The following ENPP3 variants were observed in gnomAD, a reference collection of about 807,000 sequenced individuals.
ENPP3 encodes the protein ectonucleotide pyrophosphatase/phosphodiesterase 3, also known as ectonucleotide pyrophosphatase/phosphodiesterase family member 3.
ENPP3 carries 104 observed loss-of-function variants against 117.8 expected under a neutral mutation model. That is an observed-to-expected ratio of 0.88 (90% CI 0.75 to 1.04). The LOEUF is 1.04. ENPP3 is among the 50% of genes least tolerant of loss of function. The probability of loss-of-function intolerance (pLI) is 0.00; values close to 1 mark genes in which losing one functional copy is unlikely to be tolerated. For missense variants in ENPP3, 1,026 were observed against 1,051.9 expected, an observed-to-expected ratio of 0.98 and a Z score of 0.34; for synonymous variants, 380 against 349.9, an observed-to-expected ratio of 1.09 and a Z score of -0.96.
intron 6 of ENPP3, among the ~76,000 whole-genome samples, chr6:131,658,698 A>G (rs1778437242): frequency 6.6e-6 from 1 of 152,164 alleles, no homozygotes; most frequent in Non-Finnish European, 1.5e-5. Context: ...AAATCTATTC[A>G]TGTGTACTGC....
intron 1 of ENPP3, among the ~76,000 whole-genome samples, chr6:131,638,945 C>A (rs1468803437): frequency 6.6e-6 from 1 of 151,662 alleles, no homozygotes; most frequent in Non-Finnish European, 1.5e-5. Context: ...TATGTGTGTG[C>A]CCCAGTGCAC....
intron 15 of ENPP3, chr6:131,700,852 G>A: frequency 8.6e-7 from 1 of 1,166,920 alleles, no homozygotes; most frequent in South Asian, 1.3e-5. Flanking sequence ...GCAAGTTTGA[G>A]AACAGCCAAG....
intron 20 of ENPP3, among the ~76,000 whole-genome samples, chr6:131,726,758 C>T (rs1780162897): frequency 6.6e-6 from 1 of 152,176 alleles, no homozygotes; most frequent in African/African-American, 2.4e-5. Flanking sequence ...TTGAGGTCCA[C>T]TTGTTTAAAG....
At chr6:131,637,732 T>A (rs75205698) in intron 1 of ENPP3, among the ~76,000 whole-genome samples, 1 of 152,312 alleles carries the variant, frequency 6.6e-6, no homozygotes, top group African/African-American at 2.4e-5. Flanking sequence ...ATTTTTTGCA[T>A]GATTATAACT....
intron 24 of ENPP3, among the ~76,000 whole-genome samples, chr6:131,740,965 A>G (rs1780516492): frequency 6.6e-6 from 1 of 152,122 alleles, no homozygotes. Context: ...CACTAAATTA[A>G]TGTTTCTGAA....
chr6:131,647,504 GA>G (rs1203758394), intron 2 of ENPP3, among the ~76,000 whole-genome samples: 37 of 152,002 alleles, frequency 2.4e-4, no homozygotes, highest in African/African-American at 8.4e-4. Flanking sequence ...AGGATGTAAA[GA>G]TTTTTTTAAT....
intron 12 of ENPP3, among the ~76,000 whole-genome samples, chr6:131,683,879 T>C (rs909255893): frequency 3.3e-5 from 5 of 151,360 alleles, no homozygotes; most frequent in African/African-American, 1.2e-4. Context: ...ACCTCTTGAG[T>C]AGCTGGGGTT....
chr6:131,670,341 A>G (rs1718042005), intron 6 of ENPP3, among the ~76,000 whole-genome samples: 1 of 152,252 alleles, frequency 6.6e-6, no homozygotes. Flanking sequence ...TATATAAAGC[A>G]AACAAACTGG....
rs1562466912 is a variant in ENPP3 at position 131,710,876 on chromosome 6, C to G, written c.1413-7796C>G. ...AGAACAACAAAAAATCCAATAACAG[C>G]TGCACATACCACCAGTTCCGATGGA... On this transcript the variant is annotated intron_variant, in intron 15 of 24. Transcript: ENST00000357639. The G allele has an allele frequency of 1.2e-6, 2 of 1,610,280 alleles. No homozygotes were observed. Among genetic ancestry groups the G allele is most frequent in the Non-Finnish European group, 8.5e-7 (1 of 1,179,746 alleles).
Position 131,722,353 on chromosome 6 carries a change from C to T in ENPP3, c.1694C>T (p.Ala565Val), listed in dbSNP as rs1780054339. 1 of 1,613,944 alleles carries T rather than the reference C, an allele frequency of 6.2e-7. No homozygotes were observed. The highest frequency in any genetic ancestry group is 1.1e-5 in the South Asian group (1 of 91,084). ...EVSKFSVCGF[A>V]NPLPTESLDC... ...TCAAAGTTTTCTGTTTGTGGCTTTG[C>T]TAATCCATTGCCCACAGAGTCTCTT... The change falls in exon 18 of 25, where the codon GCT becomes GTT. Residue 565 changes from alanine to valine, a missense_variant. Physicochemically the swap from Ala to Val is moderately conservative, Grantham distance 64. Transcript: ENST00000357639.
intron 14 of ENPP3, among the ~76,000 whole-genome samples, chr6:131,690,457 T>C (rs1779253307): frequency 6.6e-6 from 1 of 152,194 alleles, no homozygotes; most frequent in African/African-American, 2.4e-5. Flanking sequence ...TTTTAAGCAA[T>C]TAAGTAATTT....
chr6:131,694,478 T>C (rs1476956419), intron 15 of ENPP3, among the ~76,000 whole-genome samples: 1 of 152,208 alleles, frequency 6.6e-6, no homozygotes, highest in Non-Finnish European at 1.5e-5. Context: ...CTGGACTTTA[T>C]GGCATTTTTC....
intron 2 of ENPP3, 51 bp from the exon 3 acceptor site, chr6:131,649,976 A>T: frequency 1.9e-6 from 3 of 1,608,136 alleles, no homozygotes; most frequent in Non-Finnish European, 2.6e-6. Context: ...CTTAGGTATG[A>T]GATATTGAAT....
chr6:131,654,123 TATTA>T (rs1418097780), intron 5 of ENPP3, among the ~76,000 whole-genome samples: 1 of 148,300 alleles, frequency 6.7e-6, no homozygotes, highest in African/African-American at 2.5e-5. Flanking sequence ...TTATTATTAT[TATTA>T]TTATTATTAT....
At chr6:131,679,033 CTTTCTTTCTTTCTTTCTTTCT>C (rs1778956150) in intron 11 of ENPP3, among the ~76,000 whole-genome samples, 1 of 99,334 alleles carries the variant, frequency 1.0e-5, no homozygotes, top group Non-Finnish European at 1.9e-5. Flanking sequence ...TTCCTTCTTT[CTTTCTTTCTTTCTTTCTTTCT>C]TTCTTTCTTT....
At chr6:131,661,124 A>C (rs984193375) in intron 6 of ENPP3, among the ~76,000 whole-genome samples, 1 of 152,182 alleles carries the variant, frequency 6.6e-6, no homozygotes, top group African/African-American at 2.4e-5. Flanking sequence ...AAATCTATTT[A>C]TCTTTTAAAG....
rs530000245 is a variant in ENPP3, at chr6:131,644,736, G to T, written c.154+3206G>T. On this transcript the variant is annotated intron_variant, in intron 2 of 24. Transcript: ENST00000357639. Reference sequence around the variant, plus strand: ...TAGCTTTAGAGGTGAAGTCCTGCCTGGTCATGTACTGTGGTGCTTGTCAGC... The same window carrying T: ...TAGCTTTAGAGGTGAAGTCCTGCCTTGTCATGTACTGTGGTGCTTGTCAGC... Among the ~76,000 whole-genome samples the T allele has an allele frequency of 1.2e-4, 19 of 152,268 alleles. No individual in the cohort carries two copies. In the East Asian group the frequency reaches 3.5e-3, roughly 28 times the overall value.
chr6:131,745,605 T>TA (rs959405506), intron 24 of ENPP3, among the ~76,000 whole-genome samples: 8 of 151,792 alleles, frequency 5.3e-5, no homozygotes, highest in South Asian at 2.1e-4. Flanking sequence ...TTTCATATTG[T>TA]AAAAAAAATC....
intron 14 of ENPP3, among the ~76,000 whole-genome samples, chr6:131,687,169 A>G (rs1042135702): frequency 1.3e-5 from 2 of 152,138 alleles, no homozygotes; most frequent in Non-Finnish European, 2.9e-5. Flanking sequence ...CAGCCTCACC[A>G]TAGCGTCTAT....
Sources: allele counts gnomAD v4.1 joint callset (sites outside exome capture counted in the v4.1 genomes callset), GRCh38; gene constraint gnomAD v4.1.1; transcripts MANE v1.5; gene names NCBI Gene and HGNC (gene_info 2026-07-23, HGNC 2026-07-21).